PLEKHG3: variants seen among roughly 807,000 people sequenced by gnomAD.
The protein encoded by PLEKHG3 is pleckstrin homology and RhoGEF domain containing G3.
A neutral mutation model predicts 94.9 loss-of-function variants in PLEKHG3; 62 were observed. That is an observed-to-expected ratio of 0.65 (90% CI 0.53 to 0.81). The LOEUF is 0.81. Among genes scored for constraint, PLEKHG3 ranks in the 30% least tolerant of loss-of-function variants. The probability of loss-of-function intolerance (pLI) is 0.00; values close to 1 mark genes in which losing one functional copy is unlikely to be tolerated. For synonymous variants in PLEKHG3, 614 were observed against 654.0 expected (o/e 0.94, Z 0.93); for missense variants, 1,461 against 1,619.3 (o/e 0.90, Z 1.68).
At chr14:64,733,922 A>G (rs1393658638) in intron 12 of PLEKHG3, among the ~76,000 whole-genome samples, 1 of 152,238 alleles carries the variant, frequency 6.6e-6, no homozygotes, top group Non-Finnish European at 1.5e-5. Context: ...TGTCTGCCAA[A>G]CATATACCCA....
Position 64,749,514 on chromosome 14 carries a change from GC to G in PLEKHG3, c.*5817del. 1 of 1,597,388 alleles carries G rather than the reference GC, an allele frequency of 6.3e-7. No homozygotes were observed. Among genetic ancestry groups the G allele is most frequent in the Non-Finnish European group, 8.5e-7 (1 of 1,177,346 alleles). On this transcript the variant is annotated 3_prime_UTR_variant, in exon 17 of 17. Coordinates refer to ENST00000247226, the MANE Select transcript of PLEKHG3 (RefSeq NM_001308147.2). The surrounding 1 kb of genome is among the most constrained non-coding windows in gnomAD (Gnocchi z 4.7). ...TCACGGTGGAGTCTGGAGGCCCACA[GC>G]CCCCCACCTCCCGGGCCAGGCAACA... is the stretch of plus-strand genomic sequence containing the variant.
In PLEKHG3 at chr14:64,738,779, G is replaced by T; in HGVS notation, c.1442G>T (p.Ser481Ile). 6.3e-7 allele frequency: 1 copy of T among 1,599,018 alleles called. No homozygotes were observed. Among genetic ancestry groups the T allele is most frequent in the South Asian group, 1.1e-5 (1 of 88,276 alleles). ...GRRESESSRS[S>I]RRPSGRSPTS... ...AGGGAGTCTGAAAGCTCCAGGAGCA[G>T]CAGAAGGCCCAGTGGCCGGTCTCCA... is the stretch of plus-strand genomic sequence containing the variant. Residue 481 changes from serine to isoleucine, a missense_variant, in exon 15 of 17, where the codon AGC (serine) becomes ATC (isoleucine). This residue lies in a region of PLEKHG3 where 1,201 missense variants were observed against 1,295.5 expected (regional missense o/e 0.93). Transcript: ENST00000247226. This position sits in a 1 kb window ranked among gnomAD's most constrained non-coding sequence, Gnocchi z 4.8.
At chr14:64,709,221 G>A (rs1015948879) in intron 1 of PLEKHG3, among the ~76,000 whole-genome samples, 2 of 152,224 alleles carry the variant, frequency 1.3e-5, no homozygotes, top group Non-Finnish European at 2.9e-5. Context: ...GGCTTCAGCC[G>A]TGGTCCCACC....
rs1181135191 is a variant in PLEKHG3, at chr14:64,723,972, G to C, written c.-39-3621G>C. ...TGGTTTGAGGGTTTGGTTGCTGCCTGCCTCATCACCTCCTTCTCTGGCCTC... is the reference window on the plus strand; with the variant it reads ...TGGTTTGAGGGTTTGGTTGCTGCCTCCCTCATCACCTCCTTCTCTGGCCTC... On this transcript the variant is annotated intron_variant, in intron 1 of 16. Coordinates refer to ENST00000247226, the MANE Select transcript of PLEKHG3 (RefSeq NM_001308147.2). This position sits in a 1 kb window ranked among gnomAD's most constrained non-coding sequence, Gnocchi z 4.5. 1 of 152,182 alleles carries C rather than the reference G, an allele frequency of 6.6e-6. No homozygotes were observed. The highest frequency in any genetic ancestry group is 1.5e-5 in the Non-Finnish European group (1 of 68,092). The allele number at this position is 152,182 out of a possible 1,614,324, so 9.4% of individuals were successfully genotyped here.
chr14:64,714,307 C>T (rs956380523), intron 1 of PLEKHG3, among the ~76,000 whole-genome samples: 4 of 152,178 alleles, frequency 2.6e-5, no homozygotes, highest in African/African-American at 9.7e-5. Context: ...GAGGAAAAGA[C>T]TGTTGGAAGG....
Position 64,730,795 on chromosome 14 carries a change from C to G in PLEKHG3, c.567-4C>G. The stretch of plus-strand genomic sequence containing the variant: ...GTGGTGACTGGCCCTTCTCCCACTC[C>G]CAGCTCCGTGGCCGCCCTGACGGAA... On this transcript the variant is annotated splice_region_variant and splice_polypyrimidine_tract_variant and intron_variant, in intron 5 of 16. Coordinates refer to ENST00000247226, the MANE Select transcript of PLEKHG3 (RefSeq NM_001308147.2). The surrounding 1 kb of genome is among the most constrained non-coding windows in gnomAD (Gnocchi z 5.4). The G allele has an allele frequency of 1.2e-6, 2 of 1,612,962 alleles. No homozygotes were observed. Among genetic ancestry groups the G allele is most frequent in the Non-Finnish European group, 1.7e-6 (2 of 1,179,280 alleles).
chr14:64,737,128 CG>C (rs1429578960), intron 13 of PLEKHG3: 1 of 643,480 alleles, frequency 1.6e-6, no homozygotes, highest in East Asian at 2.7e-5. Context: ...CAATGAGAGC[CG>C]AGCAACAGGC....
rs1334054585 is a variant in PLEKHG3 at position 64,723,010 on chromosome 14, A to G, written c.-39-4583A>G. On this transcript the variant is annotated intron_variant, in intron 1 of 16. Transcript: ENST00000247226. The surrounding 1 kb of genome is among the most constrained non-coding windows in gnomAD (Gnocchi z 4.5). Reference sequence around the variant, plus strand: ...CTTTTTTCTTTCCTGTTGGGTCAGAATGGGGCATGGTGCTGAGGCGTAGTG... The same window carrying G: ...CTTTTTTCTTTCCTGTTGGGTCAGAGTGGGGCATGGTGCTGAGGCGTAGTG... Among the ~76,000 whole-genome samples the G allele has an allele frequency of 6.6e-6, 1 of 152,062 alleles. No individual in the cohort carries two copies. Among genetic ancestry groups the G allele is most frequent in the Non-Finnish European group, 1.5e-5 (1 of 67,998 alleles).
At chr14:64,712,208 C>T (rs2139361047) in intron 1 of PLEKHG3, among the ~76,000 whole-genome samples, 1 of 152,218 alleles carries the variant, frequency 6.6e-6, no homozygotes, top group Non-Finnish European at 1.5e-5. Context: ...ACACCGGTAC[C>T]ATATAGTCTT....
Position 64,743,084 on chromosome 14 carries a change from G to A in PLEKHG3, c.3041G>A (p.Arg1014His), listed in dbSNP as rs41309246. 0.014 allele frequency: 22,649 copies of A among 1,613,140 alleles called. 196 individuals carry two copies. Among genetic ancestry groups the A allele is most frequent in the Non-Finnish European group, 0.017 (20,065 of 1,179,990 alleles). ...PSSAGEMSPQ[R>H]FFFNPSAVSQ... ...TCGGCTGGGGAGATGTCACCACAGC[G>A]TTTCTTCTTCAACCCGTCTGCTGTC... is the stretch of plus-strand genomic sequence containing the variant. Residue 1014 changes from arginine (R) to histidine (H), a missense_variant, in exon 17 of 17, where the codon CGT (arginine) becomes CAT (histidine). Coordinates refer to ENST00000247226, the MANE Select transcript of PLEKHG3 (RefSeq NM_001308147.2). The surrounding 1 kb of genome is among the most constrained non-coding windows in gnomAD (Gnocchi z 7.2).
rs923233913 is a variant in PLEKHG3 at position 64,715,231 on chromosome 14, A to C, written c.-40+10527A>C. 2.1e-4 allele frequency among the ~76,000 whole-genome samples: 32 copies of C among 152,148 alleles called. No homozygotes were observed. The highest frequency in any genetic ancestry group is 2.0e-3 in the Admixed American group (30 of 15,288). On this transcript the variant is annotated intron_variant, in intron 1 of 16. Coordinates refer to ENST00000247226, the MANE Select transcript of PLEKHG3 (RefSeq NM_001308147.2). This position sits in a 1 kb window ranked among gnomAD's most constrained non-coding sequence, Gnocchi z 4.4. ...AGTGTTACTTGTAAAAAAAGCAAAAAGTGCATGAGAGCATTCCTATGAGGT... is the reference window on the plus strand; with the variant it reads ...AGTGTTACTTGTAAAAAAAGCAAAACGTGCATGAGAGCATTCCTATGAGGT...
rs546459912 is a variant in PLEKHG3 at position 64,718,058 on chromosome 14, C to T, written c.-39-9535C>T. On this transcript the variant is annotated intron_variant, in intron 1 of 16. Coordinates refer to ENST00000247226, the MANE Select transcript of PLEKHG3 (RefSeq NM_001308147.2). This position sits in a 1 kb window ranked among gnomAD's most constrained non-coding sequence, Gnocchi z 5.0. ...TCTCGGGACTCAGCTGCTCTCTTGGCAGCAAATGCACTCAGATCTCTTCAC... is the reference window on the plus strand; with the variant it reads ...TCTCGGGACTCAGCTGCTCTCTTGGTAGCAAATGCACTCAGATCTCTTCAC... 6.6e-6 allele frequency among the ~76,000 whole-genome samples: 1 copy of T among 152,320 alleles called. No individual in the cohort carries two copies. Among genetic ancestry groups the T allele is most frequent in the Non-Finnish European group, 1.5e-5 (1 of 68,028 alleles).
At position 64,726,651 on chromosome 14, in the gene PLEKHG3, T is replaced by G. The variant is rs540163537; in HGVS notation, c.-39-942T>G. On this transcript the variant is annotated intron_variant, in intron 1 of 16. Transcript: ENST00000247226. This position sits in a 1 kb window ranked among gnomAD's most constrained non-coding sequence, Gnocchi z 5.1. ...CTGTTTGCCTCACCTGGGTGCAGTT[T>G]ACTGCTTTCTCTGCTGCCCCCGCCC... Among the ~76,000 whole-genome samples the G allele has an allele frequency of 6.6e-6, 1 of 152,312 alleles. No individual in the cohort carries two copies. The highest frequency in any genetic ancestry group is 1.5e-5 in the Non-Finnish European group (1 of 68,020).
rs2081298899 is a variant in PLEKHG3, at chr14:64,723,419, G to C, written c.-39-4174G>C. On this transcript the variant is annotated intron_variant, in intron 1 of 16. Transcript: ENST00000247226. The surrounding 1 kb of genome is among the most constrained non-coding windows in gnomAD (Gnocchi z 4.5). ...CACTCCAGCCTGGGTGACAGAGGGA[G>C]ACCCTGCCTCAAAAAAAGAGAAAAG... 6.6e-6 allele frequency among the ~76,000 whole-genome samples: 1 copy of C among 152,130 alleles called. No individual in the cohort carries two copies. The highest frequency in any genetic ancestry group is 1.5e-5 in the Non-Finnish European group (1 of 68,018).
At chr14:64,737,740 C>G (rs1022579877) in intron 14 of PLEKHG3, 12 of 420,552 alleles carry the variant, frequency 2.9e-5, no homozygotes. Context: ...ACCCCAGTGG[C>G]AACCTGAGTT....
In PLEKHG3 at chr14:64,741,309, G is replaced by A. The variant is rs1415797315; in HGVS notation, c.1792G>A (p.Val598Met). The change falls in exon 16 of 17, where the codon GTG (valine) becomes ATG (methionine). Residue 598 changes from valine to methionine, a missense_variant. Val to Met is a conservative substitution (Grantham distance 21). Around this residue, in one of 3 missense-constraint regions of PLEKHG3, gnomAD observed 1,201 missense variants for 1,295.5 expected, o/e 0.93. Transcript: ENST00000247226. ...GCCTGAGAGCCTTCTGCCACCCTCTGTGCTGGACCAGGCCAGCGTCATTGC... is the reference window on the plus strand; with the variant it reads ...GCCTGAGAGCCTTCTGCCACCCTCTATGCTGGACCAGGCCAGCGTCATTGC... ...QEPESLLPPSVLDQASVIAER... is the reference protein window; with the variant it reads ...QEPESLLPPSMLDQASVIAER... 4 of 1,613,752 alleles carry A rather than the reference G, an allele frequency of 2.5e-6. No homozygotes were observed. The South Asian group carries it at 3.3e-5, about 13-fold the overall frequency.
rs370807524 is a variant in PLEKHG3, at chr14:64,743,339, G to A, written c.3296G>A (p.Arg1099His). The change falls in exon 17 of 17, where the codon CGC (arginine) becomes CAC (histidine). Residue 1099 changes from arginine (R) to histidine (H), a missense_variant. Physicochemically the swap from Arg to His is conservative, Grantham distance 29. Around this residue, in one of 3 missense-constraint regions of PLEKHG3, gnomAD observed 1,201 missense variants for 1,295.5 expected, o/e 0.93. Transcript: ENST00000247226. This position sits in a 1 kb window ranked among gnomAD's most constrained non-coding sequence, Gnocchi z 7.2. ...CTGTCGGGCAGGGTGGGCCGCTGCC[G>A]CAGCCTGAGCACCAAGAGGGGCCGG... is the stretch of plus-strand genomic sequence containing the variant. ...PPLSGRVGRC[R>H]SLSTKRGRGG... 60 of 1,607,206 alleles carry A rather than the reference G, an allele frequency of 3.7e-5. No homozygotes were observed. The highest frequency in any genetic ancestry group is 6.6e-5 in the South Asian group (6 of 90,700).
At position 64,718,451 on chromosome 14, in the gene PLEKHG3, T is replaced by C. The variant is rs138389678; in HGVS notation, c.-39-9142T>C. Among the ~76,000 whole-genome samples the C allele has an allele frequency of 5.3e-3, 806 of 152,346 alleles. 8 individuals are homozygous for C. The highest frequency in any genetic ancestry group is 0.019 in the African/African-American group (776 of 41,574). The stretch of plus-strand genomic sequence containing the variant: ...AGATGCCTTGTCTTGTTTTGCCTTA[T>C]AGCATATAAGCTCTGAAGAGTGGAG... On this transcript the variant is annotated intron_variant, in intron 1 of 16. Coordinates refer to ENST00000247226, the MANE Select transcript of PLEKHG3 (RefSeq NM_001308147.2). The surrounding 1 kb of genome is among the most constrained non-coding windows in gnomAD (Gnocchi z 5.0).
chr14:64,719,964 C>T (rs900260237), intron 1 of PLEKHG3, among the ~76,000 whole-genome samples: 11 of 152,186 alleles, frequency 7.2e-5, no homozygotes, highest in African/African-American at 2.4e-4. Flanking sequence ...TCTAGTAACA[C>T]CTTTTAGGGC....
Sources: gnomAD v4.1 joint callset for allele counts (sites outside exome capture counted in the v4.1 genomes callset) on GRCh38, gnomAD v4.1.1 for gene constraint, gnomAD v4.1.1 regional missense constraint, Gnocchi (gnomAD v3.1) non-coding constraint, MANE v1.5 for transcripts, NCBI Gene and HGNC (gene_info 2026-07-23, HGNC 2026-07-21) for gene names.